The following STARD8 variants were observed in gnomAD, a reference collection of about 807,000 sequenced individuals.
The protein encoded by STARD8 is stAR-related lipid transfer protein 8.
STARD8 carries 25 observed loss-of-function variants against 69.4 expected under a neutral mutation model. The observed-to-expected ratio is 0.36, with a 90% CI of 0.26 to 0.50. STARD8 has a LOEUF of 0.50. Among genes scored for constraint, STARD8 ranks in the 20% least tolerant of loss-of-function variants. The pLI is 0.96. For synonymous variants in STARD8, 389 were observed against 374.6 expected, an observed-to-expected ratio of 1.04 and a Z score of -0.45; for missense variants, 921 against 932.5, an observed-to-expected ratio of 0.99 and a Z score of 0.16.
Position 68,717,464 on chromosome X carries a change from C to G in STARD8, c.550C>G (p.Arg184Gly). Residue 184 changes from arginine (R) to glycine (G), a missense_variant, in exon 6 of 15, where the codon CGG becomes GGG. Physicochemically the swap from Arg to Gly is moderately radical, Grantham distance 125. Coordinates refer to ENST00000374599, the MANE Select transcript of STARD8 (RefSeq NM_001142503.3). ...AGGCCGTGCCCCCAGCTCGAGTGAC[C>G]GGCCCCTCCTCAGCCCCACCCAGGG... ...LPGRAPSSSD[R>G]PLLSPTQGQE... The G allele has an allele frequency of 8.3e-7, 1 of 1,210,358 alleles. No homozygotes were observed. Among genetic ancestry groups the G allele is most frequent in the Non-Finnish European group, 1.1e-6 (1 of 895,185 alleles).
intron 3 of STARD8, 109 bp downstream of exon 3, chrX:68,713,094 T>C (rs922509258): frequency 1.2e-6 from 1 of 804,263 alleles, no homozygotes; most frequent in Non-Finnish European, 1.8e-6. Flanking sequence ...AAGCAGTGTC[T>C]CCTGGCCCTG....
At chrX:68,687,060 T>C (rs2079838553) in intron 2 of STARD8, among the ~76,000 whole-genome samples, 1 of 111,413 alleles carries the variant, frequency 9.0e-6, no homozygotes, top group Non-Finnish European at 1.9e-5. Flanking sequence ...TGTCATTGAG[T>C]TGTCCGTCTG....
In STARD8 at chrX:68,722,588, G is replaced by A. The variant is rs772751871; in HGVS notation, c.2741G>A (p.Arg914His). Residue 914 changes from arginine (R) to histidine (H), a missense_variant, in exon 12 of 15, where the codon CGC becomes CAC. Arg to His is a conservative substitution (Grantham distance 29). Coordinates refer to ENST00000374599, the MANE Select transcript of STARD8 (RefSeq NM_001142503.3). ...GACCTGCTGCGTGATGCTGCTGAGC[G>A]CTTCAAGGGCTGGATGAGCGTGCCA... is the stretch of plus-strand genomic sequence containing the variant. Reference protein sequence around the residue: ...IQDLLRDAAERFKGWMSVPGP... With the variant: ...IQDLLRDAAEHFKGWMSVPGP... 21 of 1,211,996 alleles carry A rather than the reference G, an allele frequency of 1.7e-5. No individual in the cohort carries two copies. Among genetic ancestry groups the A allele is most frequent in the Admixed American group, 4.3e-5 (2 of 46,114 alleles).
intron 5 of STARD8, 79 bp from the exon 6 acceptor site, chrX:68,717,133 T>G: frequency 9.3e-7 from 1 of 1,080,355 alleles, no homozygotes. Flanking sequence ...CCCCCAAGAG[T>G]TTGGAAGCAG....
chrX:68,664,330 C>T (rs1482746570), intron 1 of STARD8, among the ~76,000 whole-genome samples: 6 of 111,793 alleles, frequency 5.4e-5, no homozygotes, highest in Admixed American at 9.5e-5. Flanking sequence ...CCTAACAGAT[C>T]TCCCCACTTC....
At position 68,698,122 on chromosome X, in the gene STARD8, C is replaced by A. The variant is rs2079936541; in HGVS notation, c.80-14792C>A. Among the ~76,000 whole-genome samples, 3 of 112,052 alleles carry A rather than the reference C, an allele frequency of 2.7e-5. No homozygotes were observed. The South Asian group carries it at 1.1e-3, about 42-fold the overall frequency. ...GACAAACATTCACTCACGGGAACTT[C>A]TGGGGCCAGTGAAAAGTCTGCCCCT... On this transcript the variant is annotated intron_variant, in intron 2 of 14. Transcript: ENST00000374599.
chrX:68,697,113 T>C (rs1419070994), intron 2 of STARD8, among the ~76,000 whole-genome samples: 1 of 112,051 alleles, frequency 8.9e-6, no homozygotes, highest in Non-Finnish European at 1.9e-5. Context: ...TCTATACATA[T>C]TTCAATACGT....
rs373240463 is a variant in STARD8 at position 68,669,920 on chromosome X, C to T, written c.79+4388C>T. On this transcript the variant is annotated intron_variant, in intron 2 of 14. Transcript: ENST00000374599. ...GAATAATAATAATTCAATCCACATCCTTTCTTTTGAAAATGACCAAATCAT... is the reference window on the plus strand; with the variant it reads ...GAATAATAATAATTCAATCCACATCTTTTCTTTTGAAAATGACCAAATCAT... Among the ~76,000 whole-genome samples, 13 of 112,796 alleles carry T rather than the reference C, an allele frequency of 1.2e-4. No homozygotes were observed. The South Asian group carries it at 4.4e-3, about 38-fold the overall frequency.
intron 2 of STARD8, among the ~76,000 whole-genome samples, chrX:68,671,667 C>T (rs1245388967): frequency 2.7e-5 from 3 of 112,561 alleles, no homozygotes; most frequent in East Asian, 2.8e-4. Context: ...GATGACAAAA[C>T]CTCTTGAGAC....
In STARD8 at chrX:68,705,575, C is replaced by T. The variant is rs1286040474; in HGVS notation, c.80-7339C>T. ...CTAGGGACCACCACTGAATGTTGCA[C>T]CCATTCTTCACTTCAGCCCCCAGGA... On this transcript the variant is annotated intron_variant, in intron 2 of 14. Transcript: ENST00000374599. 3.5e-4 allele frequency among the ~76,000 whole-genome samples: 39 copies of T among 112,997 alleles called. No homozygotes were observed. In the Admixed American group the frequency reaches 3.6e-3, roughly 10 times the overall value.
At chrX:68,722,812 A>G (rs1382195459) in intron 12 of STARD8, among the ~76,000 whole-genome samples, 166 bp downstream of exon 12, 1 of 112,469 alleles carries the variant, frequency 8.9e-6, no homozygotes, top group Non-Finnish European at 1.9e-5. Flanking sequence ...AAGTACCTTA[A>G]GGAATCAAGA....
In STARD8 at chrX:68,717,715, C is replaced by A; in HGVS notation, c.801C>A (p.Ala267=). Residue 267 remains alanine, a synonymous_variant, in exon 6 of 15, where the codon GCC becomes GCA. Coordinates refer to ENST00000374599, the MANE Select transcript of STARD8 (RefSeq NM_001142503.3). The part of the protein sequence containing the change: ...YRAKNWAATS[A]GGSGANTRKA... ...CCAAGAACTGGGCCGCCACCTCAGC[C>A]GGTGGCAGTGGTGCCAATACTCGGA... 8.2e-7 allele frequency: 1 copy of A among 1,212,186 alleles called. No individual in the cohort carries two copies. The highest frequency in any genetic ancestry group is 1.7e-5 in the African/African-American group (1 of 58,023).
chrX:68,695,107 A>C (rs1301436312), intron 2 of STARD8, among the ~76,000 whole-genome samples: 1 of 80,630 alleles, frequency 1.2e-5, no homozygotes, highest in East Asian at 3.7e-4. Context: ...CACCTGTATT[A>C]TTGCCCTCTG....
At chrX:68,694,074 C>A (rs2079900157) in intron 2 of STARD8, among the ~76,000 whole-genome samples, 2 of 113,143 alleles carry the variant, frequency 1.8e-5, no homozygotes, top group Admixed American at 1.8e-4. Flanking sequence ...CGAAGCCTCG[C>A]GAGTGGGGCG....
At chrX:68,694,203 G>C (rs1267615066) in intron 2 of STARD8, among the ~76,000 whole-genome samples, 1 of 112,761 alleles carries the variant, frequency 8.9e-6, no homozygotes, top group East Asian at 2.8e-4. Context: ...CTCTGTTGCC[G>C]GGTCGCGCCA....
chrX:68,694,826 G>C (rs949625698), intron 2 of STARD8, among the ~76,000 whole-genome samples: 2 of 111,022 alleles, frequency 1.8e-5, no homozygotes, highest in Non-Finnish European at 3.8e-5. Flanking sequence ...AGTGTGCGTG[G>C]AGGGGTGGGC....
chrX:68,658,083 G>T (rs1257453644), intron 1 of STARD8, among the ~76,000 whole-genome samples: 2 of 111,278 alleles, frequency 1.8e-5, no homozygotes, highest in Non-Finnish European at 1.9e-5. Context: ...TACCCCTAAA[G>T]ACTAGAGAAA....
chrX:68,701,587 G>A (rs991977976), intron 2 of STARD8, among the ~76,000 whole-genome samples: 2 of 112,790 alleles, frequency 1.8e-5, no homozygotes, highest in Admixed American at 9.3e-5. Context: ...TGGATAGAGG[G>A]AAGACATGGA....
intron 1 of STARD8, among the ~76,000 whole-genome samples, chrX:68,661,919 TTCC>T (rs1373574100): frequency 3.1e-5 from 3 of 97,502 alleles, no homozygotes; most frequent in Non-Finnish European, 6.2e-5. Flanking sequence ...CCTTCCTTCC[TTCC>T]TTCCTTCCCT....
Sources: gnomAD v4.1 joint callset for allele counts (sites outside exome capture counted in the v4.1 genomes callset) on GRCh38, gnomAD v4.1.1 for gene constraint, MANE v1.5 for transcripts, NCBI Gene and HGNC (gene_info 2026-07-23, HGNC 2026-07-21) for gene names.